The following CDH13 variants were observed in gnomAD, a reference collection of about 807,000 sequenced individuals.
CDH13 encodes cadherin 13, also known as cadherin-13.
CDH13 carries 24 observed loss-of-function variants against 63.8 expected under a neutral mutation model. The observed-to-expected ratio is 0.38, with a 90% confidence interval of 0.27 to 0.53. CDH13 has a LOEUF of 0.53. Ranked by LOEUF, CDH13 falls within the 20% of genes least tolerant of loss-of-function variation. CDH13 has a pLI of 0.85. For missense variants in CDH13, 1,049 were observed against 903.1 expected (o/e 1.16, Z -2.07); for synonymous variants, 503 against 355.3 (o/e 1.42, Z -4.67).
At position 82,985,539 on chromosome 16, in the gene CDH13, A is replaced by G. The variant is rs370545504; in HGVS notation, c.158-46471A>G. On this transcript the variant is annotated intron_variant, in intron 2 of 13. Coordinates refer to ENST00000567109, the MANE Select transcript of CDH13 (RefSeq NM_001257.5). ...GCAGATAAATTCTCACTCAGGCCCTACAGAGATAGGTGCGTGGTTTTAGAG... is the reference window on the plus strand; with the variant it reads ...GCAGATAAATTCTCACTCAGGCCCTGCAGAGATAGGTGCGTGGTTTTAGAG... 1.8e-4 allele frequency among the ~76,000 whole-genome samples: 27 copies of G among 152,284 alleles called. No individual in the cohort carries two copies. The East Asian group carries it at 5.0e-3, about 28-fold the overall frequency.
rs555841405 is a variant in CDH13, at chr16:83,157,082, A to C, written c.483+31581A>C. 2.0e-3 allele frequency among the ~76,000 whole-genome samples: 303 copies of C among 152,310 alleles called. 2 individuals carry two copies. Among genetic ancestry groups the C allele is most frequent in the Non-Finnish European group, 3.4e-3 (228 of 68,022 alleles). ...ATGACGTCAGGCCACTGTACTTTCA[A>C]AATGCTGTTCTCAGTCAGGTTTCTT... is the stretch of plus-strand genomic sequence containing the variant. On this transcript the variant is annotated intron_variant, in intron 4 of 13. Transcript: ENST00000567109.
rs575998834 is a variant in CDH13 at position 83,540,443 on chromosome 16, T to C, written c.960+53788T>C. ...TTCAGTTAAGCAGCTGACCAGTCAT[T>C]ACCACCTCCTCCTTGCTCTTTCTAC... On this transcript the variant is annotated intron_variant, in intron 7 of 13. Transcript: ENST00000567109. Among the ~76,000 whole-genome samples, 3 of 152,286 alleles carry C rather than the reference T, an allele frequency of 2.0e-5. No homozygotes were observed. The South Asian group carries it at 6.2e-4, about 32-fold the overall frequency.
At chr16:83,397,035 G>A (rs1323038374) in intron 6 of CDH13, among the ~76,000 whole-genome samples, 1 of 152,100 alleles carries the variant, frequency 6.6e-6, no homozygotes, top group East Asian at 1.9e-4. Flanking sequence ...TAAAAAGCCT[G>A]CAGCTGTGAT....
intron 10 of CDH13, among the ~76,000 whole-genome samples, chr16:83,686,228 C>T (rs1904313197): frequency 6.6e-6 from 1 of 152,228 alleles, no homozygotes; most frequent in Non-Finnish European, 1.5e-5. Flanking sequence ...AGTGTAACTT[C>T]ACCAAGCTTC....
At chr16:83,789,327 T>C (rs1395962568) in intron 13 of CDH13, among the ~76,000 whole-genome samples, 2 of 149,032 alleles carry the variant, frequency 1.3e-5, no homozygotes, top group African/African-American at 4.9e-5. Context: ...ACACTGAAAT[T>C]AGTAGCTTTC....
At chr16:83,536,018 TG>T (rs1216227759) in intron 7 of CDH13, among the ~76,000 whole-genome samples, 1 of 152,162 alleles carries the variant, frequency 6.6e-6, no homozygotes, top group African/African-American at 2.4e-5. Context: ...ACCCTGGCTT[TG>T]GCCCTCCTCT....
In CDH13 at chr16:83,415,714, A is replaced by AT. The variant is rs2092190667; in HGVS notation, c.781+70709dup. ...TGACAAAATTCAGTGCCCTTTCATGATAAAAACTCTCAAAACTAGGAATAG... is the reference window on the plus strand; with the variant it reads ...TGACAAAATTCAGTGCCCTTTCATGATTAAAAACTCTCAAAACTAGGAATAG... On this transcript the variant is annotated intron_variant, in intron 6 of 13. Coordinates refer to ENST00000567109, the MANE Select transcript of CDH13 (RefSeq NM_001257.5). Among the ~76,000 whole-genome samples, 5 of 152,266 alleles carry AT rather than the reference A, an allele frequency of 3.3e-5. No homozygotes were observed. In the South Asian group the frequency reaches 1.0e-3, roughly 32 times the overall value.
chr16:83,773,011 A>C (rs1914859774), intron 11 of CDH13: 1 of 152,242 alleles, frequency 6.6e-6, no homozygotes, highest in East Asian at 1.9e-4. Flanking sequence ...AAGTACTGGA[A>C]GATGTTTGTG....
chr16:82,806,409 A>G (rs919519508), intron 1 of CDH13, among the ~76,000 whole-genome samples: 1 of 152,208 alleles, frequency 6.6e-6, no homozygotes, highest in Non-Finnish European at 1.5e-5. Context: ...AAGATTTAGA[A>G]TTTGAAATAC....
rs200261336 is a variant in CDH13, at chr16:82,867,916, G to GAT, written c.157+9444_157+9445insTA. Among the ~76,000 whole-genome samples, 1,391 of 152,158 alleles carry GAT rather than the reference G, an allele frequency of 9.1e-3. 22 individuals are homozygous for GAT. The highest frequency in any genetic ancestry group is 0.032 in the African/African-American group (1,315 of 41,458). ...TTTATCTGTCTACATTCTCTATCTTGAGAACTTCCTAGATTCTTTTACTTT... is the reference window on the plus strand; with the variant it reads ...TTTATCTGTCTACATTCTCTATCTTGATAGAACTTCCTAGATTCTTTTACTTT... On this transcript the variant is annotated intron_variant, in intron 2 of 13. Coordinates refer to ENST00000567109, the MANE Select transcript of CDH13 (RefSeq NM_001257.5).
At chr16:82,725,234 C>T (rs984692354) in intron 1 of CDH13, among the ~76,000 whole-genome samples, 11 of 152,138 alleles carry the variant, frequency 7.2e-5, no homozygotes, top group Admixed American at 1.3e-4. Flanking sequence ...TTGCAAATAA[C>T]GTACATATGT....
At chr16:83,646,692 CA>C (rs199756336) in intron 8 of CDH13, among the ~76,000 whole-genome samples, 157 of 72,680 alleles carry the variant, frequency 2.2e-3, no homozygotes, top group African/African-American at 6.6e-3. Context: ...GACTCCGTCT[CA>C]AAAAAAAAAA....
intron 6 of CDH13, among the ~76,000 whole-genome samples, chr16:83,431,602 G>A (rs1210943040): frequency 6.6e-6 from 1 of 152,086 alleles, no homozygotes; most frequent in Admixed American, 6.5e-5. Flanking sequence ...GGCATCTTCT[G>A]GGGAGGCCTC....
In CDH13 at chr16:82,652,299, T is replaced by A. The variant is rs186703926; in HGVS notation, c.45+25162T>A. On this transcript the variant is annotated intron_variant, in intron 1 of 13. Transcript: ENST00000567109. ...CAGGAAAATAGCTGGTCCTTGGCAGTTCTCAGAAGGTTCTGTTTCTCACCT... is the reference window on the plus strand; with the variant it reads ...CAGGAAAATAGCTGGTCCTTGGCAGATCTCAGAAGGTTCTGTTTCTCACCT... Among the ~76,000 whole-genome samples the A allele has an allele frequency of 1.8e-3, 279 of 152,324 alleles. 1 individual carries two copies. Among genetic ancestry groups the A allele is most frequent in the Non-Finnish European group, 3.3e-3 (223 of 68,014 alleles).
intron 5 of CDH13, among the ~76,000 whole-genome samples, chr16:83,275,249 A>G (rs2088950502): frequency 6.6e-6 from 1 of 151,792 alleles, no homozygotes; most frequent in Non-Finnish European, 1.5e-5. Flanking sequence ...TTGAGATAAT[A>G]TTGACATTCT....
At chr16:83,786,943 T>G (rs1465869391) in intron 13 of CDH13, among the ~76,000 whole-genome samples, 1 of 152,242 alleles carries the variant, frequency 6.6e-6, no homozygotes, top group Non-Finnish European at 1.5e-5. Context: ...TAAAATTGCC[T>G]ATGTTTCTCT....
intron 3 of CDH13, among the ~76,000 whole-genome samples, chr16:83,108,113 G>A (rs551183460): frequency 1.3e-5 from 2 of 152,156 alleles, no homozygotes; most frequent in South Asian, 2.1e-4. Flanking sequence ...GAGCCACCGC[G>A]CCCAGCCCCT....
At chr16:82,967,461 G>C (rs922665684) in intron 2 of CDH13, among the ~76,000 whole-genome samples, 8 of 152,162 alleles carry the variant, frequency 5.3e-5, no homozygotes, top group African/African-American at 1.9e-4. Context: ...TCAACACCTA[G>C]TACAATTCTC....
chr16:82,665,474 A>G (rs376593124), intron 1 of CDH13, among the ~76,000 whole-genome samples: 9 of 152,210 alleles, frequency 5.9e-5, no homozygotes, highest in African/African-American at 1.9e-4. Flanking sequence ...ACTAGGAGCA[A>G]TGGTTCAATA....
Sources: gnomAD v4.1 joint callset for allele counts (sites outside exome capture counted in the v4.1 genomes callset) on GRCh38, gnomAD v4.1.1 for gene constraint, MANE v1.5 for transcripts, NCBI Gene and HGNC (gene_info 2026-07-23, HGNC 2026-07-21) for gene names.